CMTM7: variants seen among roughly 807,000 people sequenced by gnomAD.
CMTM7 encodes the protein CKLF-like MARVEL transmembrane domain-containing protein 7.
Under a neutral mutation model 19.3 loss-of-function variants are expected in CMTM7, and 7 were observed. The observed-to-expected ratio is 0.36, with a 90% confidence interval of 0.21 to 0.68. The LOEUF (loss-of-function observed/expected upper bound fraction) is 0.68, where lower values mean the gene tolerates loss of function less well. Among genes scored for constraint, CMTM7 ranks in the 30% least tolerant of loss-of-function variants. CMTM7 has a pLI of 0.60. For synonymous variants in CMTM7, 87 were observed against 99.3 expected (o/e 0.88, Z 0.74); for missense variants, 193 against 232.6 (o/e 0.83, Z 1.11).
intron 1 of CMTM7, among the ~76,000 whole-genome samples, chr3:32,410,525 G>C (rs1696155544): frequency 6.6e-6 from 1 of 152,214 alleles, no homozygotes; most frequent in South Asian, 2.1e-4. Flanking sequence ...CTGGGGTGTG[G>C]GCCCAGCAGT....
chr3:32,434,436 A>G (rs1236578983), intron 1 of CMTM7, among the ~76,000 whole-genome samples: 1 of 150,524 alleles, frequency 6.6e-6, no homozygotes, highest in African/African-American at 2.4e-5. Context: ...AGCTGGGACT[A>G]CAGGTGCATA....
chr3:32,407,460 C>T (rs1696106081), intron 1 of CMTM7, among the ~76,000 whole-genome samples: 1 of 152,178 alleles, frequency 6.6e-6, no homozygotes, highest in South Asian at 2.1e-4. Flanking sequence ...AGAAATGTCA[C>T]AGTAACACAA....
At chr3:32,400,772 C>G (rs2125619609) in intron 1 of CMTM7, among the ~76,000 whole-genome samples, 1 of 152,294 alleles carries the variant, frequency 6.6e-6, no homozygotes, top group South Asian at 2.1e-4. Context: ...GCTGTCATAG[C>G]CAGTCATGGA....
At chr3:32,430,792 C>T (rs1482190436) in intron 1 of CMTM7, among the ~76,000 whole-genome samples, 1 of 151,232 alleles carries the variant, frequency 6.6e-6, no homozygotes, top group South Asian at 2.1e-4. Context: ...AGAGAGTGAA[C>T]GTGCTGCTGT....
chr3:32,392,436 G>T (rs986077123), intron 1 of CMTM7, among the ~76,000 whole-genome samples: 10 of 152,260 alleles, frequency 6.6e-5, no homozygotes, highest in African/African-American at 2.4e-4. Context: ...ACCCGAGCCG[G>T]GGGTGGAAGA....
At chr3:32,442,594 G>T (rs532625244) in intron 2 of CMTM7, among the ~76,000 whole-genome samples, 198 of 151,778 alleles carry the variant, frequency 1.3e-3, no homozygotes, top group African/African-American at 4.8e-3. Context: ...GTGTGTGTAT[G>T]AGTTGGGAAA....
intron 1 of CMTM7, among the ~76,000 whole-genome samples, chr3:32,422,132 G>A (rs536815696): frequency 1.3e-5 from 2 of 152,308 alleles, no homozygotes; most frequent in South Asian, 2.1e-4. Context: ...AGGGCACAAC[G>A]TGATGATCAC....
At chr3:32,399,390 C>T (rs1695968406) in intron 1 of CMTM7, among the ~76,000 whole-genome samples, 1 of 151,054 alleles carries the variant, frequency 6.6e-6, no homozygotes, top group Non-Finnish European at 1.5e-5. Flanking sequence ...TACTTTATAT[C>T]CTAAAAGGAT....
intron 1 of CMTM7, among the ~76,000 whole-genome samples, chr3:32,421,584 G>A (rs1371721222): frequency 1.3e-5 from 2 of 152,204 alleles, no homozygotes; most frequent in Middle Eastern, 3.4e-3. Context: ...CTCACAAATT[G>A]TAGCTCTCTG....
At chr3:32,423,284 C>T (rs926506425) in intron 1 of CMTM7, among the ~76,000 whole-genome samples, 1 of 152,180 alleles carries the variant, frequency 6.6e-6, no homozygotes, top group Non-Finnish European at 1.5e-5. Flanking sequence ...TATGAGCACA[C>T]CAAACTCAAA....
At chr3:32,415,331 G>A (rs774893547) in intron 1 of CMTM7, among the ~76,000 whole-genome samples, 15 of 152,276 alleles carry the variant, frequency 9.9e-5, no homozygotes, top group Middle Eastern at 6.8e-3. Flanking sequence ...CAGATCACAG[G>A]CCACCTTCAT....
chr3:32,404,792 G>C (rs1696065780), intron 1 of CMTM7, among the ~76,000 whole-genome samples: 1 of 152,252 alleles, frequency 6.6e-6, no homozygotes, highest in African/African-American at 2.4e-5. Context: ...ATATGGCACA[G>C]GTGGCAGGAT....
rs775943856 is a variant in CMTM7 at position 32,428,595 on chromosome 3, G to C, written c.160-13245G>C. Among the ~76,000 whole-genome samples, 3 of 152,222 alleles carry C rather than the reference G, an allele frequency of 2.0e-5. No individual in the cohort carries two copies. In the South Asian group the frequency reaches 6.2e-4, roughly 32 times the overall value. ...GGCTAAGCCGGCCTGGGCTTTGGCTGTAAGGAGTCAGTCTCATCTTAGTGT... is the reference window on the plus strand; with the variant it reads ...GGCTAAGCCGGCCTGGGCTTTGGCTCTAAGGAGTCAGTCTCATCTTAGTGT... On this transcript the variant is annotated intron_variant, in intron 1 of 4. Transcript: ENST00000334983.
Position 32,441,957 on chromosome 3 carries a change from C to G in CMTM7, c.277C>G (p.Leu93Val), listed in dbSNP as rs773063152. 2 of 1,614,202 alleles carry G rather than the reference C, an allele frequency of 1.2e-6. No homozygotes were observed. Among genetic ancestry groups the G allele is most frequent in the East Asian group, 2.2e-5 (1 of 44,866 alleles). The change falls in exon 2 of 5, where the codon CTG (leucine) becomes GTG (valine). Residue 93 changes from leucine (L) to valine (V), a missense_variant. Coordinates refer to ENST00000334983, the MANE Select transcript of CMTM7 (RefSeq NM_138410.4). The stretch of plus-strand genomic sequence containing the variant: ...CTTGATAATGATCCTCGCCTTTTAC[C>G]TGGTCCACCTCTTCCGCTTCTACCG... ...CDLIMILAFY[L>V]VHLFRFYRVL...
chr3:32,452,007 A>C, intron 3 of CMTM7: 2 of 1,084,202 alleles, frequency 1.8e-6, no homozygotes, highest in Non-Finnish European at 2.5e-6. Context: ...AATCATGGGA[A>C]CGTTCAGATT....
chr3:32,405,562 T>C (rs1392316636), intron 1 of CMTM7, among the ~76,000 whole-genome samples: 1 of 152,206 alleles, frequency 6.6e-6, no homozygotes, highest in Non-Finnish European at 1.5e-5. Flanking sequence ...GTATTCCTAC[T>C]TTACAGATGA....
At chr3:32,396,858 C>A (rs909587655) in intron 1 of CMTM7, among the ~76,000 whole-genome samples, 1 of 152,250 alleles carries the variant, frequency 6.6e-6, no homozygotes, top group African/African-American at 2.4e-5. Context: ...GTCTAGATAT[C>A]CTTGCTGTGG....
chr3:32,400,994 C>CTA (rs1328285743), intron 1 of CMTM7, among the ~76,000 whole-genome samples: 1 of 152,174 alleles, frequency 6.6e-6, no homozygotes, highest in East Asian at 1.9e-4. Context: ...AAACAATTCT[C>CTA]TAGACTTTTT....
At chr3:32,406,660 A>G (rs1358740287) in intron 1 of CMTM7, among the ~76,000 whole-genome samples, 1 of 152,224 alleles carries the variant, frequency 6.6e-6, no homozygotes, top group Admixed American at 6.5e-5. Context: ...GGTTCGTTAC[A>G]GGGAGTGTTC....
Sources: gnomAD v4.1 joint callset for allele counts (sites outside exome capture counted in the v4.1 genomes callset) on GRCh38, gnomAD v4.1.1 for gene constraint, MANE v1.5 for transcripts, NCBI Gene and HGNC (gene_info 2026-07-23, HGNC 2026-07-21) for gene names.